Variants in PDE1A observed in about 807,000 individuals in gnomAD.
The protein encoded by PDE1A is phosphodiesterase 1A, also known as dual specificity calcium/calmodulin-dependent 3',5'-cyclic nucleotide phosphodiesterase 1A.
PDE1A carries 35 observed loss-of-function variants against 61.7 expected under a neutral mutation model. The ratio of observed to expected loss-of-function variants is 0.57; its 90% CI spans 0.43 to 0.75. PDE1A has a LOEUF of 0.75. Among genes scored for constraint, PDE1A ranks in the 30% least tolerant of loss-of-function variants. The probability of loss-of-function intolerance (pLI) is 0.00; values close to 1 mark genes in which losing one functional copy is unlikely to be tolerated. For missense variants in PDE1A, 597 were observed against 630.6 expected (o/e 0.95, Z 0.57); for synonymous variants, 232 against 213.2 (o/e 1.09, Z -0.77).
intron 1 of PDE1A, among the ~76,000 whole-genome samples, chr2:182,287,622 CT>C (rs1240001532): frequency 6.6e-6 from 1 of 152,138 alleles, no homozygotes; most frequent in African/African-American, 2.4e-5. Flanking sequence ...CCAACCAACT[CT>C]ACTGAGCTGA....
chr2:182,633,507 G>C, the PDE1A span, among the ~76,000 whole-genome samples: 1 of 152,130 alleles, frequency 6.6e-6, no homozygotes, highest in Non-Finnish European at 1.5e-5. Flanking sequence ...CTTAATATTG[G>C]CATGGAAGGC....
intron 1 of PDE1A, among the ~76,000 whole-genome samples, chr2:182,341,656 C>T (rs980989351): frequency 6.6e-6 from 1 of 152,214 alleles, no homozygotes; most frequent in Non-Finnish European, 1.5e-5. Context: ...TGTAACTTCA[C>T]TGAGTGAGCA....
chr2:182,444,903 T>G (rs555602359), intron 2 of PDE1A, among the ~76,000 whole-genome samples: 1 of 152,120 alleles, frequency 6.6e-6, no homozygotes, highest in South Asian at 2.1e-4. Context: ...GTGGAAAAGA[T>G]AGCTAATCCT....
At chr2:182,649,370 A>C in the PDE1A span, among the ~76,000 whole-genome samples, 1 of 152,160 alleles carries the variant, frequency 6.6e-6, no homozygotes, top group Non-Finnish European at 1.5e-5. Context: ...TGAGCCTACA[A>C]ATAGGAATAA....
At chr2:182,409,224 C>G (rs140639186) in intron 1 of PDE1A, among the ~76,000 whole-genome samples, 1,945 of 152,294 alleles carry the variant, frequency 0.013, 26 homozygotes, top group South Asian at 0.047. Flanking sequence ...CTCAGTGTCT[C>G]CTAACTCTCA....
At chr2:182,344,002 C>T (rs1182284584) in intron 1 of PDE1A, among the ~76,000 whole-genome samples, 2 of 151,860 alleles carry the variant, frequency 1.3e-5, no homozygotes, top group Non-Finnish European at 2.9e-5. Context: ...TCCCAAGTAA[C>T]TGGGACTACA....
At chr2:182,523,065 T>C (rs1690660300), upstream of PDE1A, 1 of 152,152 alleles carries the variant, frequency 6.6e-6, no homozygotes, top group Non-Finnish European at 1.5e-5. Context: ...ATTGCAAGAA[T>C]ATGTACATCA....
At chr2:182,279,045 G>A (rs1276514482) in intron 1 of PDE1A, among the ~76,000 whole-genome samples, 1 of 151,848 alleles carries the variant, frequency 6.6e-6, no homozygotes, top group Non-Finnish European at 1.5e-5. Flanking sequence ...TATAAATTAT[G>A]TTCTTTTAAA....
At chr2:182,306,015 C>A (rs886965289) in intron 1 of PDE1A, among the ~76,000 whole-genome samples, 1 of 152,032 alleles carries the variant, frequency 6.6e-6, no homozygotes, top group African/African-American at 2.4e-5. Context: ...ACTTTGTATT[C>A]TCTTAACAAT....
chr2:182,194,970 C>T (rs1381729912), intron 10 of PDE1A, among the ~76,000 whole-genome samples: 2 of 144,094 alleles, frequency 1.4e-5, no homozygotes, highest in Non-Finnish European at 3.0e-5. Flanking sequence ...CAGCTCTTTC[C>T]TTTGCTACTT....
the PDE1A span, among the ~76,000 whole-genome samples, chr2:182,712,303 AT>A: frequency 6.6e-6 from 1 of 152,240 alleles, no homozygotes; most frequent in Non-Finnish European, 1.5e-5. Context: ...TGTACCGCAA[AT>A]ATGTTATTGG....
chr2:182,598,269 A>G, the PDE1A span, among the ~76,000 whole-genome samples: 1 of 152,218 alleles, frequency 6.6e-6, no homozygotes, highest in Non-Finnish European at 1.5e-5. Flanking sequence ...AAAATTGTAA[A>G]GGAAAAAGAA....
chr2:182,402,776 C>A (rs1447311227), intron 1 of PDE1A, among the ~76,000 whole-genome samples: 1 of 152,118 alleles, frequency 6.6e-6, no homozygotes, highest in Admixed American at 6.5e-5. Flanking sequence ...GCAATCTATC[C>A]ATCTGACAAA....
chr2:182,511,744 T>C (rs936709851), intron 2 of PDE1A, among the ~76,000 whole-genome samples: 1 of 152,040 alleles, frequency 6.6e-6, no homozygotes, highest in East Asian at 1.9e-4. Flanking sequence ...TGCCAGCCTC[T>C]CCCCAGAGTC....
intron 10 of PDE1A, among the ~76,000 whole-genome samples, chr2:182,198,160 A>G (rs1014723574): frequency 1.3e-5 from 2 of 151,090 alleles, no homozygotes; most frequent in African/African-American, 4.9e-5. Flanking sequence ...ATGCTGTTAT[A>G]AAGCATACTG....
the PDE1A span, among the ~76,000 whole-genome samples, chr2:182,663,519 G>C: frequency 6.6e-6 from 1 of 152,154 alleles, no homozygotes; most frequent in South Asian, 2.1e-4. Context: ...CATGTCCTTT[G>C]CAGGAACATG....
chr2:182,670,056 T>C, the PDE1A span, among the ~76,000 whole-genome samples: 1 of 152,170 alleles, frequency 6.6e-6, no homozygotes, highest in Non-Finnish European at 1.5e-5. Flanking sequence ...GTTTTGGTTT[T>C]CCTGGCCAGC....
At chr2:182,392,251 C>G (rs762842092) in intron 1 of PDE1A, among the ~76,000 whole-genome samples, 43 of 152,134 alleles carry the variant, frequency 2.8e-4, no homozygotes, top group Non-Finnish European at 5.6e-4. Flanking sequence ...AACAAAGGCA[C>G]CTCTTACATG....
At chr2:182,378,144 C>T (rs933194217) in intron 1 of PDE1A, among the ~76,000 whole-genome samples, 1 of 152,166 alleles carries the variant, frequency 6.6e-6, no homozygotes, top group Non-Finnish European at 1.5e-5. Context: ...CCGTGCCCGG[C>T]CCAGACATTT....
Sources: allele counts gnomAD v4.1 joint callset (sites outside exome capture counted in the v4.1 genomes callset), GRCh38; gene constraint gnomAD v4.1.1; transcripts MANE v1.5; gene names NCBI Gene and HGNC (gene_info 2026-07-23, HGNC 2026-07-21).